Variants in ARL14EPL observed in about 807,000 individuals in gnomAD.
The protein encoded by ARL14EPL is ARF like GTPase 14 effector protein like, also known as ARL14 effector protein-like.
A neutral mutation model predicts 15.9 loss-of-function variants in ARL14EPL; 17 were observed. The observed-to-expected ratio is 1.07, with a 90% CI of 0.73 to 1.60. The LOEUF (loss-of-function observed/expected upper bound fraction) is 1.60, where lower values mean the gene tolerates loss of function less well. Ranked by LOEUF, ARL14EPL falls within the 40% of genes most tolerant of loss-of-function variation. The probability of loss-of-function intolerance (pLI) is 0.00; values close to 1 mark genes in which losing one functional copy is unlikely to be tolerated. For synonymous variants in ARL14EPL, 78 were observed against 63.8 expected, an observed-to-expected ratio of 1.22 and a Z score of -1.06; for missense variants, 214 against 185.9, an observed-to-expected ratio of 1.15 and a Z score of -0.88.
At chr5:116,051,790 T>C in intron 2 of ARL14EPL, 2 of 750,080 alleles carry the variant, frequency 2.7e-6, no homozygotes, top group Non-Finnish European at 4.2e-6. Flanking sequence ...TTTAGCCCAG[T>C]GTTCTGTACA....
At chr5:116,044,476 T>C (rs900664896) in intron 1 of ARL14EPL, among the ~76,000 whole-genome samples, 1 of 144,094 alleles carries the variant, frequency 6.9e-6, no homozygotes, top group African/African-American at 2.5e-5. Context: ...TATATATATA[T>C]ACGTGCGTGT....
chr5:116,033,202 T>C (rs1450065912), intron 1 of ARL14EPL, among the ~76,000 whole-genome samples: 1 of 152,218 alleles, frequency 6.6e-6, no homozygotes, highest in African/African-American at 2.4e-5. Context: ...ATCCCCGACT[T>C]ACCGTGGTTT....
intron 1 of ARL14EPL, among the ~76,000 whole-genome samples, chr5:116,037,314 G>T (rs755198118): frequency 2.0e-5 from 3 of 152,160 alleles, no homozygotes; most frequent in African/African-American, 7.2e-5. Flanking sequence ...ATGTGACACC[G>T]CATTGACACA....
intron 1 of ARL14EPL, among the ~76,000 whole-genome samples, chr5:116,041,163 T>A (rs1749150395): frequency 6.6e-6 from 1 of 152,080 alleles, no homozygotes; most frequent in African/African-American, 2.4e-5. Context: ...TTTGTTATAA[T>A]TCATGAGCCA....
At chr5:116,034,286 C>T (rs1265715151) in intron 1 of ARL14EPL, among the ~76,000 whole-genome samples, 4 of 152,134 alleles carry the variant, frequency 2.6e-5, no homozygotes, top group Non-Finnish European at 4.4e-5. Context: ...TCTCAGGGTT[C>T]ATTTAGGAGA....
chr5:116,056,144 G>C (rs917084538), intron 3 of ARL14EPL, among the ~76,000 whole-genome samples: 2 of 151,906 alleles, frequency 1.3e-5, no homozygotes, highest in African/African-American at 4.8e-5. Context: ...ATGATTTATA[G>C]TCCTTTGGGT....
intron 2 of ARL14EPL, 23 bp downstream of exon 2, chr5:116,051,584 T>C: frequency 6.6e-7 from 1 of 1,504,162 alleles, no homozygotes; most frequent in South Asian, 1.2e-5. Flanking sequence ...GATTCTATGA[T>C]TCCATGCTAC....
At chr5:116,036,779 A>G (rs899973397) in intron 1 of ARL14EPL, among the ~76,000 whole-genome samples, 1 of 152,238 alleles carries the variant, frequency 6.6e-6, no homozygotes, top group Admixed American at 6.5e-5. Context: ...TAACTATAAA[A>G]CAGATTTAAG....
chr5:116,041,897 C>A (rs968655382), intron 1 of ARL14EPL, among the ~76,000 whole-genome samples: 2 of 152,188 alleles, frequency 1.3e-5, no homozygotes, highest in East Asian at 3.8e-4. Context: ...GACTCAATCA[C>A]GGCTCACTGC....
rs117046804 is a variant in ARL14EPL at position 116,035,548 on chromosome 5, A to G, written c.-10+3043A>G. Among the ~76,000 whole-genome samples the G allele has an allele frequency of 2.5e-3, 388 of 152,354 alleles. 7 individuals carry two copies. In the East Asian group the frequency reaches 0.045, roughly 18 times the overall value. ...TGGAGAACCAAAATGACAAAAGAGT[A>G]AGGCTGAGAAAACATCGAGGCAGGA... On this transcript the variant is annotated intron_variant, in intron 1 of 3. Coordinates refer to ENST00000686077, the MANE Select transcript of ARL14EPL (RefSeq NM_001195581.2).
intron 1 of ARL14EPL, among the ~76,000 whole-genome samples, chr5:116,040,728 G>GT (rs1303294537): frequency 6.6e-6 from 1 of 150,462 alleles, no homozygotes; most frequent in East Asian, 2.0e-4. Flanking sequence ...TTTTTATGCT[G>GT]TTTGGGAGGC....
rs149513062 is a variant in ARL14EPL, at chr5:116,042,726, A to T, written c.-9-8731A>T. 2.2e-3 allele frequency among the ~76,000 whole-genome samples: 328 copies of T among 152,294 alleles called. 1 individual carries two copies. The highest frequency in any genetic ancestry group is 7.1e-3 in the African/African-American group (297 of 41,554). On this transcript the variant is annotated intron_variant, in intron 1 of 3. Transcript: ENST00000686077. Reference sequence around the variant, plus strand: ...GTTTCCTACTGTAGCCCCTCCCTGGATACTTATAACTTCCAAAGCCAGCAA... The same window carrying T: ...GTTTCCTACTGTAGCCCCTCCCTGGTTACTTATAACTTCCAAAGCCAGCAA...
intron 3 of ARL14EPL, 124 bp downstream of exon 3, chr5:116,054,277 T>C: frequency 9.1e-7 from 1 of 1,103,168 alleles, no homozygotes; most frequent in South Asian, 2.0e-5. Context: ...CTCTGAAATA[T>C]AATAGTACCC....
intron 1 of ARL14EPL, among the ~76,000 whole-genome samples, chr5:116,050,655 G>A (rs1385280544): frequency 6.6e-6 from 1 of 152,136 alleles, no homozygotes; most frequent in Non-Finnish European, 1.5e-5. Flanking sequence ...AGCAATGGTA[G>A]TTGATGAGAA....
At chr5:116,057,633 T>C (rs1014240753) in intron 3 of ARL14EPL, among the ~76,000 whole-genome samples, 6 of 152,236 alleles carry the variant, frequency 3.9e-5, no homozygotes, top group Non-Finnish European at 7.3e-5. Context: ...ACAAATAAAG[T>C]ACTTCAAAAG....
intron 3 of ARL14EPL, among the ~76,000 whole-genome samples, chr5:116,055,112 C>T (rs997328011): frequency 1.3e-5 from 2 of 152,086 alleles, no homozygotes; most frequent in African/African-American, 2.4e-5. Flanking sequence ...AACAAATAAA[C>T]ATTCAGGATA....
intron 1 of ARL14EPL, among the ~76,000 whole-genome samples, chr5:116,040,148 C>T (rs1017810579): frequency 8.6e-5 from 13 of 152,018 alleles, no homozygotes; most frequent in Non-Finnish European, 1.6e-4. Context: ...CTTTGTCTTT[C>T]CTTAGAATAA....
intron 1 of ARL14EPL, among the ~76,000 whole-genome samples, chr5:116,033,068 G>A (rs1300998207): frequency 6.6e-6 from 1 of 152,070 alleles, no homozygotes; most frequent in Non-Finnish European, 1.5e-5. Flanking sequence ...CAAAGTGCTG[G>A]GATTCCAGGT....
intron 1 of ARL14EPL, among the ~76,000 whole-genome samples, chr5:116,039,249 C>G (rs1314027722): frequency 6.6e-6 from 1 of 152,168 alleles, no homozygotes; most frequent in Non-Finnish European, 1.5e-5. Flanking sequence ...CTCCTGACCC[C>G]AGGCCCTCCT....
Sources: allele counts gnomAD v4.1 joint callset (sites outside exome capture counted in the v4.1 genomes callset), GRCh38; gene constraint gnomAD v4.1.1; transcripts MANE v1.5; gene names NCBI Gene and HGNC (gene_info 2026-07-23, HGNC 2026-07-21).